ATG16L1: variants seen among roughly 807,000 people sequenced by gnomAD.
The protein encoded by ATG16L1 is autophagy-related protein 16-1.
Under a neutral mutation model 88.5 loss-of-function variants are expected in ATG16L1, and 37 were observed. The ratio of observed to expected loss-of-function variants is 0.42; its 90% CI spans 0.32 to 0.55. The LOEUF is 0.55. Ranked by LOEUF, ATG16L1 falls within the 20% of genes least tolerant of loss-of-function variation. The probability of loss-of-function intolerance (pLI) is 0.13; values close to 1 mark genes in which losing one functional copy is unlikely to be tolerated. For missense variants in ATG16L1, 554 were observed against 752.8 expected, an observed-to-expected ratio of 0.74 and a Z score of 3.09; for synonymous variants, 301 against 281.0, an observed-to-expected ratio of 1.07 and a Z score of -0.71.
At chr2:233,288,476 C>G (rs1357945167) in intron 12 of ATG16L1, among the ~76,000 whole-genome samples, 1 of 152,062 alleles carries the variant, frequency 6.6e-6, no homozygotes, top group East Asian at 1.9e-4. Context: ...AGATGAGGGT[C>G]TCACTAATTT....
chr2:233,293,187 A>G (rs564971453), intron 16 of ATG16L1, 69 bp from the exon 17 acceptor site: 3 of 1,362,922 alleles, frequency 2.2e-6, no homozygotes, highest in East Asian at 2.3e-5. Flanking sequence ...TTCTTGGGAA[A>G]AAGGCCACAG....
chr2:233,272,911 G>T, intron 6 of ATG16L1, 55 bp from the exon 7 acceptor site: 2 of 1,494,362 alleles, frequency 1.3e-6, no homozygotes, highest in South Asian at 2.3e-5. Context: ...TTGCGGAACC[G>T]ATTAATCACA....
At chr2:233,292,034 C>A in intron 14 of ATG16L1, 94 bp from the exon 15 acceptor site, 2 of 1,436,774 alleles carry the variant, frequency 1.4e-6, no homozygotes, top group Non-Finnish European at 1.9e-6. Flanking sequence ...GCGTTGCATG[C>A]TAGTTGAATT....
chr2:233,267,108 G>A (rs1255910560), intron 5 of ATG16L1, among the ~76,000 whole-genome samples: 1 of 152,200 alleles, frequency 6.6e-6, no homozygotes, highest in Non-Finnish European at 1.5e-5. Flanking sequence ...TAGCACTTTG[G>A]GAGGCCAAGG....
At chr2:233,278,531 C>T (rs779433880) in intron 10 of ATG16L1, among the ~76,000 whole-genome samples, 6 of 152,192 alleles carry the variant, frequency 3.9e-5, no homozygotes, top group African/African-American at 7.2e-5. Flanking sequence ...GTAGAGATTG[C>T]GCCATTTCAC....
chr2:233,259,123 A>G lies in ATG16L1; in HGVS notation c.209+2928A>G, dbSNP rs141143719. Among the ~76,000 whole-genome samples the G allele has an allele frequency of 4.2e-3, 634 of 152,306 alleles. 8 individuals carry two copies. The highest frequency in any genetic ancestry group is 0.021 in the Admixed American group (316 of 15,306). On this transcript the variant is annotated intron_variant, in intron 2 of 17. Coordinates refer to ENST00000392017, the MANE Select transcript of ATG16L1 (RefSeq NM_030803.7). The stretch of plus-strand genomic sequence containing the variant: ...TCATAACGTGGCCAAGCAAGGAGGC[A>G]GGAGAACAGGTCTCAAATCCACCTC...
rs780646653 is a variant in ATG16L1 at position 233,251,936 on chromosome 2, C to G, written c.109C>G (p.Leu37Val). 6.5e-7 allele frequency: 1 copy of G among 1,545,088 alleles called. No homozygotes were observed. Among genetic ancestry groups the G allele is most frequent in the Non-Finnish European group, 8.7e-7 (1 of 1,145,390 alleles). Residue 37 changes from leucine (L) to valine (V), a missense_variant, in exon 1 of 18, where the codon CTG (leucine) becomes GTG (valine). Around this residue, in one of 5 missense-constraint regions of ATG16L1, gnomAD observed 101 missense variants for 107.0 expected, o/e 0.94. Coordinates refer to ENST00000392017, the MANE Select transcript of ATG16L1 (RefSeq NM_030803.7). ...GAGACAGGCGTTCGAGGAGATCATC[C>G]TGCAGTGTGAGCGGCGCCGGTGCGG... is the stretch of plus-strand genomic sequence containing the variant. ...LQRQAFEEIILQYNKLLEKSD... is the reference protein window; with the variant it reads ...LQRQAFEEIIVQYNKLLEKSD...
At chr2:233,283,499 G>A (rs75902620) in intron 12 of ATG16L1, among the ~76,000 whole-genome samples, 7,480 of 150,992 alleles carry the variant, frequency 0.05, 272 homozygotes, top group Non-Finnish European at 0.071. Flanking sequence ...AACACAAGCC[G>A]TTTGTGTGTG....
intron 17 of ATG16L1, among the ~76,000 whole-genome samples, chr2:233,293,652 C>T (rs915036627): frequency 6.6e-6 from 1 of 152,148 alleles, no homozygotes; most frequent in Non-Finnish European, 1.5e-5. Flanking sequence ...GTCTCCTTCC[C>T]CTTCCCTACT....
At chr2:233,251,986 C>G in intron 1 of ATG16L1, 44 bp downstream of exon 1, 3 of 1,460,366 alleles carry the variant, frequency 2.1e-6, no homozygotes, top group Non-Finnish European at 2.7e-6. Context: ...GGGCGGGCCC[C>G]GCGGAGGCAT....
chr2:233,293,104 G>C (rs1020599424), intron 16 of ATG16L1, 152 bp from the exon 17 acceptor site: 11 of 679,186 alleles, frequency 1.6e-5, no homozygotes, highest in African/African-American at 1.4e-4. Context: ...GATTTGGCTG[G>C]AAGGGCCATG....
At chr2:233,272,931 A>G (rs775188853) in intron 6 of ATG16L1, 35 bp from the exon 7 acceptor site, 146 of 1,570,522 alleles carry the variant, frequency 9.3e-5, no homozygotes, top group Non-Finnish European at 1.0e-4. Context: ...AGAACTGTTC[A>G]GGAGAATCAA....
At chr2:233,257,220 G>A (rs533667948) in intron 2 of ATG16L1, among the ~76,000 whole-genome samples, 149 of 152,100 alleles carry the variant, frequency 9.8e-4, no homozygotes, top group African/African-American at 3.4e-3. Flanking sequence ...TGGTAGAGAC[G>A]GGGTTTCACC....
rs1699522979 is a variant in ATG16L1 at position 233,292,439 on chromosome 2, G to A, written c.1628+5G>A. 6.2e-7 allele frequency: 1 copy of A among 1,612,218 alleles called. No individual in the cohort carries two copies. The highest frequency in any genetic ancestry group is 1.3e-5 in the African/African-American group (1 of 74,876). On this transcript the variant is annotated splice_donor_5th_base_variant and intron_variant, in intron 16 of 17. Transcript: ENST00000392017. ...CTGGACCAGAGTTGTCTTCAGGTTA[G>A]TAGTGACCCACCCCCCGCCAATTTG...
intron 2 of ATG16L1, among the ~76,000 whole-genome samples, chr2:233,258,830 G>A (rs1461166300): frequency 2.0e-5 from 3 of 152,072 alleles, no homozygotes; most frequent in Non-Finnish European, 4.4e-5. Flanking sequence ...CTGAGTAGCT[G>A]GGAGACTATA....
chr2:233,283,604 A>G (rs1698868994), intron 12 of ATG16L1, among the ~76,000 whole-genome samples: 1 of 149,732 alleles, frequency 6.7e-6, no homozygotes, highest in African/African-American at 2.5e-5. Context: ...TGTGTGGGGT[A>G]CAGTAGTGTG....
At position 233,293,276 on chromosome 2, in the gene ATG16L1, C is replaced by T. The variant is rs140671487; in HGVS notation, c.1649C>T (p.Ala550Val). 1.1e-3 allele frequency: 1,759 copies of T among 1,614,074 alleles called. 27 individuals carry two copies. The East Asian group carries it at 0.029, about 26-fold the overall frequency. ...TGTAGCCCTGATGGCAGTTACGTGG[C>T]GGCAGGCTCTGCTGAGGGCTCTCTG... ...VVFSPDGSYV[A>V]AGSAEGSLYI... Residue 550 changes from alanine to valine, a missense_variant, in exon 17 of 18, where the codon GCG becomes GTG. Physicochemically the swap from Ala to Val is moderately conservative, Grantham distance 64. Coordinates refer to ENST00000392017, the MANE Select transcript of ATG16L1 (RefSeq NM_030803.7).
At chr2:233,288,863 C>T (rs985242389) in intron 12 of ATG16L1, 1 of 519,140 alleles carries the variant, frequency 1.9e-6, no homozygotes, top group African/African-American at 1.9e-5. Context: ...TGGCATCCAA[C>T]AGCTTAGTCA....
chr2:233,262,647 C>G (rs1362565313), intron 2 of ATG16L1, among the ~76,000 whole-genome samples: 1 of 152,206 alleles, frequency 6.6e-6, no homozygotes, highest in Admixed American at 6.5e-5. Flanking sequence ...TCATGTGTCA[C>G]GTAGGAGAAA....
Sources: gnomAD v4.1 joint callset for allele counts (sites outside exome capture counted in the v4.1 genomes callset) on GRCh38, gnomAD v4.1.1 for gene constraint, gnomAD v4.1.1 regional missense constraint, MANE v1.5 for transcripts, NCBI Gene and HGNC (gene_info 2026-07-23, HGNC 2026-07-21) for gene names.